The following SPON1 variants were observed in gnomAD, a reference collection of about 807,000 sequenced individuals.
The protein encoded by SPON1 is spondin-1.
SPON1 carries 52 observed loss-of-function variants against 111.7 expected under a neutral mutation model. The observed-to-expected ratio is 0.47, with a 90% CI of 0.37 to 0.59. The LOEUF (loss-of-function observed/expected upper bound fraction) is 0.59. SPON1 is among the 20% of genes least tolerant of loss of function. The pLI is 0.00. For synonymous variants in SPON1, 410 were observed against 395.8 expected (o/e 1.04, Z -0.43); for missense variants, 957 against 1,068.5 (o/e 0.90, Z 1.46).
chr11:13,962,857 C>A lies in SPON1; in HGVS notation c.-48C>A. On this transcript the variant is annotated 5_prime_UTR_variant, in exon 1 of 16. Coordinates refer to ENST00000576479, the MANE Select transcript of SPON1 (RefSeq NM_006108.4). ...CGTCGGGACCACTTCGGGCAGGAGTCGCGTGGCGAAGGCCTGCGGCCGCGG... is the reference window on the plus strand; with the variant it reads ...CGTCGGGACCACTTCGGGCAGGAGTAGCGTGGCGAAGGCCTGCGGCCGCGG... 7.1e-7 allele frequency: 1 copy of A among 1,401,802 alleles called. No homozygotes were observed. Among genetic ancestry groups the A allele is most frequent in the South Asian group, 1.6e-5 (1 of 64,310 alleles). 86.8% of individuals were successfully genotyped at this position (1,401,802 alleles called of 1,614,324 possible).
chr11:14,022,832 G>A (rs879946844), intron 2 of SPON1, among the ~76,000 whole-genome samples: 4 of 152,220 alleles, frequency 2.6e-5, no homozygotes, highest in Non-Finnish European at 4.4e-5. Flanking sequence ...TTTATCCAAA[G>A]AACGCTTTGA....
In SPON1 at chr11:14,079,975, A is replaced by G. The variant is rs1848948621; in HGVS notation, c.630A>G (p.Thr210=). The G allele has an allele frequency of 1.2e-6, 2 of 1,613,820 alleles. No homozygotes were observed. The highest frequency in any genetic ancestry group is 1.6e-4 in the Middle Eastern group (1 of 6,084). The change falls in exon 5 of 16, where the codon ACA becomes ACG. Residue 210 remains threonine (T), a synonymous_variant. Coordinates refer to ENST00000576479, the MANE Select transcript of SPON1 (RefSeq NM_006108.4). ...CACGTAKYRL[T]FYGNWSEKTH... is the part of the protein sequence containing the mutation. ...GCGGAACTGCCAAGTACAGACTCAC[A>G]TTTTATGGGAATTGGTCCGAGAAGA...
At chr11:14,090,022 A>T (rs1849037091) in intron 5 of SPON1, among the ~76,000 whole-genome samples, 1 of 152,102 alleles carries the variant, frequency 6.6e-6, no homozygotes, top group African/African-American at 2.4e-5. Flanking sequence ...ATCCCAGGTC[A>T]ACTTCAGACT....
chr11:14,168,121 G>C (rs1382133187), intron 6 of SPON1, among the ~76,000 whole-genome samples: 1 of 152,058 alleles, frequency 6.6e-6, no homozygotes, highest in African/African-American at 2.4e-5. Flanking sequence ...TTTTAGCATA[G>C]CTAGTAGGCA....
chr11:14,059,101 C>A (rs1469320460), intron 3 of SPON1, among the ~76,000 whole-genome samples: 4 of 152,226 alleles, frequency 2.6e-5, no homozygotes, highest in African/African-American at 9.7e-5. Context: ...TCATCCCACT[C>A]ACTGCCTTTT....
chr11:14,174,224 C>T (rs1554932848), intron 6 of SPON1, among the ~76,000 whole-genome samples: 1 of 152,166 alleles, frequency 6.6e-6, no homozygotes, highest in Non-Finnish European at 1.5e-5. Context: ...AACCCAAAGC[C>T]AATCAGCCCA....
In SPON1 at chr11:14,178,772, T is replaced by G. The variant is rs1170910060; in HGVS notation, c.825+43204T>G. Among the ~76,000 whole-genome samples the G allele has an allele frequency of 3.3e-5, 5 of 151,784 alleles. No individual in the cohort carries two copies. The East Asian group carries it at 9.8e-4, about 30-fold the overall frequency. On this transcript the variant is annotated intron_variant, in intron 6 of 15. Coordinates refer to ENST00000576479, the MANE Select transcript of SPON1 (RefSeq NM_006108.4). ...GCCCTGTTTCAAGTTATCTGTTAAT[T>G]ACACATCCCTCATTTATCCAGTGAC...
At chr11:13,984,303 C>T (rs1310592216) in intron 2 of SPON1, among the ~76,000 whole-genome samples, 3 of 152,138 alleles carry the variant, frequency 2.0e-5, no homozygotes, top group African/African-American at 7.2e-5. Context: ...CCTAAGCTTG[C>T]TTATTGCTTG....
chr11:14,176,239 A>C (rs2133884867), intron 6 of SPON1, among the ~76,000 whole-genome samples: 1 of 152,218 alleles, frequency 6.6e-6, no homozygotes, highest in Non-Finnish European at 1.5e-5. Flanking sequence ...ATGCAAACAC[A>C]CACAAAGATG....
intron 6 of SPON1, among the ~76,000 whole-genome samples, chr11:14,147,233 C>T (rs188950072): frequency 6.9e-4 from 104 of 151,504 alleles, no homozygotes; most frequent in African/African-American, 2.2e-3. Context: ...AGGGTTTCAC[C>T]TTGTTGGTCA....
At chr11:14,028,099 T>C (rs564345692) in intron 2 of SPON1, among the ~76,000 whole-genome samples, 59 of 152,336 alleles carry the variant, frequency 3.9e-4, no homozygotes, top group African/African-American at 1.4e-3. Context: ...CCCTACTTGC[T>C]AGTCCCAGTT....
At chr11:14,137,339 G>T (rs1399006508) in intron 6 of SPON1, among the ~76,000 whole-genome samples, 1 of 152,160 alleles carries the variant, frequency 6.6e-6, no homozygotes, top group Non-Finnish European at 1.5e-5. Context: ...TGATTGGCTT[G>T]TATTACCACA....
chr11:14,042,394 GA>G lies in SPON1; in HGVS notation c.479+751del, dbSNP rs35189442. Among the ~76,000 whole-genome samples the G allele has an allele frequency of 3.4e-3, 506 of 149,312 alleles. 3 individuals are homozygous for G. Among genetic ancestry groups the G allele is most frequent in the African/African-American group, 1.0e-2 (404 of 40,538 alleles). On this transcript the variant is annotated intron_variant, in intron 3 of 15. Coordinates refer to ENST00000576479, the MANE Select transcript of SPON1 (RefSeq NM_006108.4). ...AATGAAGGTTTTGCAAAGTCCTGGC[GA>G]AAAAAAAAAATCTGTTTAATTTGGT...
At chr11:14,230,355 G>A (rs554906545) in intron 6 of SPON1, among the ~76,000 whole-genome samples, 3 of 152,304 alleles carry the variant, frequency 2.0e-5, no homozygotes, top group African/African-American at 7.2e-5. Flanking sequence ...AAACTAGGCT[G>A]CCAGAATAAC....
chr11:14,210,373 CTTTT>C (rs79378171), intron 6 of SPON1, among the ~76,000 whole-genome samples: 11 of 133,738 alleles, frequency 8.2e-5, no homozygotes, highest in African/African-American at 1.4e-4. Flanking sequence ...TTTCTTTTTC[CTTTT>C]TTTTTTTTTT....
chr11:14,051,226 T>C (rs1166365318), intron 3 of SPON1, among the ~76,000 whole-genome samples: 1 of 152,152 alleles, frequency 6.6e-6, no homozygotes, highest in Non-Finnish European at 1.5e-5. Flanking sequence ...AAAAATGGGA[T>C]TAGTGCCCTT....
chr11:14,090,902 G>C (rs1254232428), intron 5 of SPON1, among the ~76,000 whole-genome samples: 2 of 136,322 alleles, frequency 1.5e-5, no homozygotes, highest in African/African-American at 5.6e-5. Context: ...GCGCTGATTG[G>C]TGCATTTACA....
chr11:14,022,066 T>C (rs1848484970), intron 2 of SPON1, among the ~76,000 whole-genome samples: 1 of 152,214 alleles, frequency 6.6e-6, no homozygotes, highest in Non-Finnish European at 1.5e-5. Flanking sequence ...CAGCAGGTGA[T>C]GCTGTTGAAG....
Position 14,075,329 on chromosome 11 carries a change from T to A in SPON1, c.480-16T>A, listed in dbSNP as rs531381488. 6 of 1,553,148 alleles carry A rather than the reference T, an allele frequency of 3.9e-6. No homozygotes were observed. In the South Asian group the frequency reaches 5.9e-5, roughly 15 times the overall value. On this transcript the variant is annotated splice_polypyrimidine_tract_variant and intron_variant, in intron 3 of 15. Transcript: ENST00000576479. ...TGCCCTCCTCACCACTGTGCTTGGG[T>A]CTTCTTTCTTCACAGGGCCAGCATC...
Sources: gnomAD v4.1 joint callset for allele counts (sites outside exome capture counted in the v4.1 genomes callset) on GRCh38, gnomAD v4.1.1 for gene constraint, MANE v1.5 for transcripts, NCBI Gene and HGNC (gene_info 2026-07-23, HGNC 2026-07-21) for gene names.